COL23A1: variants seen among roughly 807,000 people sequenced by gnomAD.
COL23A1 encodes the protein collagen alpha-1(XXIII) chain.
A neutral mutation model predicts 99.3 loss-of-function variants in COL23A1; 97 were observed. The observed-to-expected ratio is 0.98, with a 90% CI of 0.83 to 1.16. The LOEUF is 1.16. COL23A1 is among the 50% of genes most tolerant of loss of function. COL23A1 has a pLI of 0.00. For missense variants in COL23A1, 762 were observed against 757.4 expected, an observed-to-expected ratio of 1.01 and a Z score of -0.07; for synonymous variants, 320 against 308.2, an observed-to-expected ratio of 1.04 and a Z score of -0.40.
rs1162524156 is a variant in COL23A1 at position 178,280,105 on chromosome 5, A to G, written c.441+8219T>C. ...GGAACGATTCTCTGAATGAACGTCC[A>G]TCCTGCTGGCTCTCGTGCCCGGCCA... On this transcript the variant is annotated intron_variant, in intron 5 of 28. Coordinates refer to ENST00000390654, the MANE Select transcript of COL23A1 (RefSeq NM_173465.4). This position sits in a 1 kb window ranked among gnomAD's most constrained non-coding sequence, Gnocchi z 4.9. 2.0e-5 allele frequency among the ~76,000 whole-genome samples: 3 copies of G among 152,360 alleles called. No individual in the cohort carries two copies. The highest frequency in any genetic ancestry group is 4.1e-4 in the South Asian group (2 of 4,834).
rs1042129617 is a variant in COL23A1 at position 178,237,954 on chromosome 5, C to G, written c.*744G>C. On this transcript the variant is annotated 3_prime_UTR_variant, in exon 29 of 29. Coordinates refer to ENST00000390654, the MANE Select transcript of COL23A1 (RefSeq NM_173465.4). The stretch of plus-strand genomic sequence containing the variant: ...GTCCCTCTCTGGGTGATAATGGAAA[C>G]AGAGACAGGAAGTAGCAGTCAGTCC... 6.5e-6 allele frequency: 1 copy of G among 152,790 alleles called. No homozygotes were observed. The highest frequency in any genetic ancestry group is 6.5e-5 in the Admixed American group (1 of 15,292). The allele number at this position is 152,790 out of a possible 1,614,324, so 9.5% of individuals were successfully genotyped here. A position where few individuals can be genotyped will look rare whatever the true frequency, so the allele number is the denominator to read the frequency against.
At chr5:178,498,256 ATAAAAGAACT>A (rs1758335331) in intron 2 of COL23A1, among the ~76,000 whole-genome samples, 1 of 122,952 alleles carries the variant, frequency 8.1e-6, no homozygotes, top group Non-Finnish European at 1.7e-5. Flanking sequence ...ATATATATAT[ATAAAAGAACT>A]TAAAAATAAA....
chr5:178,570,583 G>A (rs1479564336), intron 1 of COL23A1, among the ~76,000 whole-genome samples: 2 of 152,152 alleles, frequency 1.3e-5, no homozygotes, highest in East Asian at 3.9e-4. Flanking sequence ...ACAATGACTA[G>A]ATTTGCCATT....
chr5:178,536,523 A>G (rs515242), intron 2 of COL23A1, among the ~76,000 whole-genome samples: 76,331 of 151,820 alleles, frequency 0.5, 19,558 homozygotes, highest in Non-Finnish European at 0.57. Context: ...CGGATGCATC[A>G]TCCAGACCAT....
chr5:178,561,254 CT>C (rs1341906330), intron 1 of COL23A1, among the ~76,000 whole-genome samples: 1 of 152,246 alleles, frequency 6.6e-6, no homozygotes, highest in African/African-American at 2.4e-5. Context: ...TTGAATCACC[CT>C]GATGAAAACA....
chr5:178,241,223 A>C (rs575855096), intron 27 of COL23A1, among the ~76,000 whole-genome samples: 12 of 152,228 alleles, frequency 7.9e-5, no homozygotes, highest in Admixed American at 2.0e-4. Flanking sequence ...TCTGTCTCCG[A>C]AAAGAAATAA....
chr5:178,321,614 C>G (rs181077064), intron 2 of COL23A1, among the ~76,000 whole-genome samples: 2 of 151,248 alleles, frequency 1.3e-5, no homozygotes, highest in Admixed American at 6.6e-5. Context: ...CTCAGCCTCC[C>G]GAGTAGCTGG....
intron 5 of COL23A1, among the ~76,000 whole-genome samples, chr5:178,287,832 G>A (rs1757239175): frequency 6.6e-6 from 1 of 152,242 alleles, no homozygotes; most frequent in Non-Finnish European, 1.5e-5. Flanking sequence ...GTGCTCACTT[G>A]GCCGGGGCTA....
chr5:178,268,742 C>A lies in COL23A1; in HGVS notation c.483G>T (p.Pro161=), dbSNP rs573120261. The change falls in exon 7 of 29, where the codon CCG becomes CCT. Residue 161 remains proline, a synonymous_variant. Coordinates refer to ENST00000390654, the MANE Select transcript of COL23A1 (RefSeq NM_173465.4). The part of the protein sequence containing the change: ...GLDGKPGLPG[P]KGEKGAPGDF... ...TGGCATCACTTACCTTTTCCCCTTT[C>A]GGGCCTGGAAGTCCCTGGAAAAGGA... 6.2e-7 allele frequency: 1 copy of A among 1,603,786 alleles called. No homozygotes were observed. Among genetic ancestry groups the A allele is most frequent in the East Asian group, 2.2e-5 (1 of 44,562 alleles).
At chr5:178,477,355 C>G (rs934344364) in intron 2 of COL23A1, among the ~76,000 whole-genome samples, 1 of 152,178 alleles carries the variant, frequency 6.6e-6, no homozygotes, top group Non-Finnish European at 1.5e-5. Flanking sequence ...GCTTGTCAGG[C>G]ATGGATCTTC....
In COL23A1 at chr5:178,306,775, A is replaced by C; in HGVS notation, c.406+100T>G. On this transcript the variant is annotated intron_variant, in intron 3 of 28. Transcript: ENST00000390654. The surrounding 1 kb of genome is among the most constrained non-coding windows in gnomAD (Gnocchi z 4.1). ...AGCACCTGCCCAGGACCAAGGCATG[A>C]CTCAGGGTGGGCAGCAGGTGGCCAG... 1.1e-6 allele frequency: 1 copy of C among 869,680 alleles called. No homozygotes were observed. The highest frequency in any genetic ancestry group is 1.7e-6 in the Non-Finnish European group (1 of 601,184). The allele number at this position is 869,680 out of a possible 1,614,324, so 53.9% of individuals were successfully genotyped here.
In COL23A1 at chr5:178,480,161, A is replaced by G. The variant is rs186808419; in HGVS notation, c.361+80521T>C. On this transcript the variant is annotated intron_variant, in intron 2 of 28. Transcript: ENST00000390654. ...TGTACTCCAGAAAAAAAAAAAAAAG[A>G]AAATTTTTTAAATAGGTGGAGGAGA... is the stretch of plus-strand genomic sequence containing the variant. 5.5e-4 allele frequency among the ~76,000 whole-genome samples: 83 copies of G among 152,146 alleles called. No homozygotes were observed. The East Asian group carries it at 0.015, about 27-fold the overall frequency.
chr5:178,263,368 C>A (rs537599990), intron 8 of COL23A1, 44 bp from the exon 9 acceptor site: 4 of 1,247,008 alleles, frequency 3.2e-6, no homozygotes, highest in African/African-American at 1.5e-5. Flanking sequence ...GGGAGGGGGT[C>A]CAGCCTCCAG....
rs1489348800 is a variant in COL23A1, at chr5:178,428,945, C to A, written c.362-122026G>T. Among the ~76,000 whole-genome samples the A allele has an allele frequency of 1.4e-5, 2 of 147,226 alleles. No individual in the cohort carries two copies. The highest frequency in any genetic ancestry group is 2.9e-5 in the Non-Finnish European group (2 of 67,952). ...CCCGCACACAGACAGGCAGGCCCTC[C>A]GTGAGTGTCCTGAGACCCTACCACA... On this transcript the variant is annotated intron_variant, in intron 2 of 28. Coordinates refer to ENST00000390654, the MANE Select transcript of COL23A1 (RefSeq NM_173465.4). This position sits in a 1 kb window ranked among gnomAD's most constrained non-coding sequence, Gnocchi z 5.0.
chr5:178,291,324 G>C (rs1439658219), intron 3 of COL23A1, among the ~76,000 whole-genome samples: 2 of 152,234 alleles, frequency 1.3e-5, no homozygotes, highest in East Asian at 3.9e-4. Flanking sequence ...GTGAGTGCAA[G>C]AGGCAAGAGC....
intron 2 of COL23A1, among the ~76,000 whole-genome samples, chr5:178,380,989 C>T (rs527960869): frequency 2.6e-5 from 4 of 152,336 alleles, no homozygotes; most frequent in African/African-American, 7.2e-5. Flanking sequence ...CATTCCGATC[C>T]GTGGCCAGTG....
Position 178,255,109 on chromosome 5 carries a change from C to A in COL23A1, c.883-83G>T. ...AGTGGCAGCTGTCCCTGCATCACAT[C>A]CAGAGAGAAAGCAATGGAAGAGCCT... On this transcript the variant is annotated intron_variant, in intron 15 of 28. Transcript: ENST00000390654. The surrounding 1 kb of genome is among the most constrained non-coding windows in gnomAD (Gnocchi z 4.2). The A allele has an allele frequency of 8.6e-7, 1 of 1,167,784 alleles. No individual in the cohort carries two copies. The highest frequency in any genetic ancestry group is 1.3e-6 in the Non-Finnish European group (1 of 780,824). 72.3% of individuals were successfully genotyped at this position (1,167,784 alleles called of 1,614,324 possible). A position where few individuals can be genotyped will look rare whatever the true frequency, so the allele number is the denominator to read the frequency against.
At chr5:178,448,072 T>C (rs914300622) in intron 2 of COL23A1, among the ~76,000 whole-genome samples, 4 of 152,356 alleles carry the variant, frequency 2.6e-5, no homozygotes, top group African/African-American at 9.6e-5. Flanking sequence ...GATTAGGTCA[T>C]GAGGGCTCTC....
chr5:178,338,187 A>G (rs1760455020), intron 2 of COL23A1, among the ~76,000 whole-genome samples: 1 of 152,146 alleles, frequency 6.6e-6, no homozygotes, highest in South Asian at 2.1e-4. Context: ...AAGTCCCTTG[A>G]GCCTTGCCAG....
Sources: gnomAD v4.1 joint callset for allele counts (sites outside exome capture counted in the v4.1 genomes callset) on GRCh38, gnomAD v4.1.1 for gene constraint, Gnocchi (gnomAD v3.1) non-coding constraint, MANE v1.5 for transcripts, NCBI Gene and HGNC (gene_info 2026-07-23, HGNC 2026-07-21) for gene names.